The following ZCCHC14 variants were observed in gnomAD, a reference collection of about 807,000 sequenced individuals.
ZCCHC14 encodes zinc finger CCHC-type containing 14.
In ZCCHC14, 16 loss-of-function variants were observed where a neutral mutation model predicts 85.0. The observed-to-expected ratio is 0.19, with a 90% CI of 0.13 to 0.29. The LOEUF (loss-of-function observed/expected upper bound fraction) is 0.29. Ranked by LOEUF, ZCCHC14 falls within the 10% of genes least tolerant of loss-of-function variation. The pLI, the probability that ZCCHC14 is intolerant of heterozygous loss-of-function variation, is 1.00. For synonymous variants in ZCCHC14, 775 were observed against 630.7 expected (o/e 1.23, Z -3.43); for missense variants, 1,303 against 1,443.5 (o/e 0.90, Z 1.58).
Position 87,406,912 on chromosome 16 carries a change from C to T in ZCCHC14, c.*3368G>A, listed in dbSNP as rs141729607. On this transcript the variant is annotated 3_prime_UTR_variant, in exon 13 of 13. Transcript: ENST00000671377. ...CCCCGCTCAGGTCGCACAGGACTCT[C>T]CTCTGGGACAGCAGTCGAGTCAAGC... 6.6e-6 allele frequency: 1 copy of T among 152,294 alleles called. No individual in the cohort carries two copies. Among genetic ancestry groups the T allele is most frequent in the African/African-American group, 2.4e-5 (1 of 41,554 alleles). The allele number at this position is 152,294 out of a possible 1,614,324, so 9.4% of individuals were successfully genotyped here.
chr16:87,467,235 C>T lies in ZCCHC14; in HGVS notation c.571-7104G>A, dbSNP rs1411712563. ...GGAAACTCGAATGAGGACTGCAAGC[C>T]TCTCGTTTTACCGGACACTAAACCC... On this transcript the variant is annotated intron_variant, in intron 1 of 12. Coordinates refer to ENST00000671377, the MANE Select transcript of ZCCHC14 (RefSeq NM_015144.3). 4.5e-6 allele frequency: 7 copies of T among 1,558,754 alleles called. No homozygotes were observed. In the Admixed American group the frequency reaches 1.2e-4, roughly 26 times the overall value.
Position 87,412,855 on chromosome 16 carries a change from G to A in ZCCHC14, c.1866C>T (p.Ser622=). 1.9e-6 allele frequency: 3 copies of A among 1,608,372 alleles called. No individual in the cohort carries two copies. Among genetic ancestry groups the A allele is most frequent in the Non-Finnish European group, 2.5e-6 (3 of 1,176,762 alleles). Residue 622 remains serine (S), a synonymous_variant, in exon 12 of 13, where the codon TCC becomes TCT. Transcript: ENST00000671377. ...QVLPVQNEAS[S]NPSGHHPLPP... The stretch of plus-strand genomic sequence containing the variant: ...GCAGGGGGTGGTGGCCTGATGGATT[G>A]GAGCTGGCCTCATTCTGCACAGGGA...
chr16:87,424,431 C>CA (rs201791063), intron 3 of ZCCHC14, among the ~76,000 whole-genome samples: 4,811 of 152,244 alleles, frequency 0.032, 110 homozygotes, highest in Middle Eastern at 0.088. Flanking sequence ...CAGCAGTGAT[C>CA]ACTGCTGGGG....
chr16:87,428,487 A>G (rs548224854), intron 3 of ZCCHC14, among the ~76,000 whole-genome samples: 3 of 152,352 alleles, frequency 2.0e-5, no homozygotes, highest in African/African-American at 4.8e-5. Flanking sequence ...TTAAAGGACA[A>G]TTTGATTTTC....
rs1911178107 is a variant in ZCCHC14 at position 87,460,002 on chromosome 16, A to G, written c.694+6T>C. 3.1e-6 allele frequency: 5 copies of G among 1,614,060 alleles called. No homozygotes were observed. Among genetic ancestry groups the G allele is most frequent in the Non-Finnish European group, 4.2e-6 (5 of 1,179,966 alleles). On this transcript the variant is annotated splice_donor_region_variant and intron_variant, in intron 2 of 12. Transcript: ENST00000671377. The stretch of plus-strand genomic sequence containing the variant: ...ACGTCCTCCTGAAACCCGTGCGTGC[A>G]CTCACCTTTGCTGTGTTTTCCTAAG...
At chr16:87,431,994 G>A (rs1212817450) in intron 3 of ZCCHC14, among the ~76,000 whole-genome samples, 1 of 152,186 alleles carries the variant, frequency 6.6e-6, no homozygotes, top group Non-Finnish European at 1.5e-5. Context: ...AACGCACAGC[G>A]TAACAACTGC....
intron 2 of ZCCHC14, among the ~76,000 whole-genome samples, chr16:87,440,862 G>C (rs2150743906): frequency 6.6e-6 from 1 of 151,358 alleles, no homozygotes; most frequent in East Asian, 2.0e-4. Flanking sequence ...TGATCTGCCT[G>C]CCTTGGCCTC....
At chr16:87,487,911 T>C (rs1230297290) in intron 1 of ZCCHC14, among the ~76,000 whole-genome samples, 2 of 149,658 alleles carry the variant, frequency 1.3e-5, no homozygotes, top group Admixed American at 6.6e-5. Flanking sequence ...GTGGTCCCCT[T>C]ATATGCAACG....
rs1912257149 is a variant in ZCCHC14, at chr16:87,481,341, C to T, written c.570+10328G>A. On this transcript the variant is annotated intron_variant, in intron 1 of 12. Transcript: ENST00000671377. ...TTAAACAATGACATCAACTGACTTG[C>T]ATTCTAACACAGATTTCTAATCAGA... is the stretch of plus-strand genomic sequence containing the variant. 2.0e-5 allele frequency among the ~76,000 whole-genome samples: 3 copies of T among 152,160 alleles called. No individual in the cohort carries two copies. The South Asian group carries it at 6.2e-4, about 32-fold the overall frequency.
Position 87,423,326 on chromosome 16 carries a change from A to G in ZCCHC14, c.840+484T>C, listed in dbSNP as rs150586145. On this transcript the variant is annotated intron_variant, in intron 4 of 12. Transcript: ENST00000671377. ...GCACCAGGAGGTCAAGGCTGCAGTG[A>G]GCTGTGATGATGGTACCACCACAAC... 1.7e-3 allele frequency among the ~76,000 whole-genome samples: 259 copies of G among 152,320 alleles called. 1 individual carries two copies. The highest frequency in any genetic ancestry group is 5.9e-3 in the African/African-American group (244 of 41,578).
chr16:87,454,628 C>T (rs568541522), intron 2 of ZCCHC14, among the ~76,000 whole-genome samples: 2 of 152,350 alleles, frequency 1.3e-5, no homozygotes, highest in East Asian at 3.9e-4. Flanking sequence ...GGAAGTTCTT[C>T]AGGCTGACGG....
chr16:87,410,825 G>A (rs561206774), intron 12 of ZCCHC14, among the ~76,000 whole-genome samples: 1 of 152,222 alleles, frequency 6.6e-6, no homozygotes, highest in Non-Finnish European at 1.5e-5. Context: ...GATGTTACAG[G>A]CAGGTCTGAG....
chr16:87,469,860 C>G (rs910549417), intron 1 of ZCCHC14, among the ~76,000 whole-genome samples: 10 of 152,132 alleles, frequency 6.6e-5, no homozygotes, highest in Non-Finnish European at 1.3e-4. Context: ...CCCACAGCCA[C>G]CCCAGCTCCG....
At chr16:87,431,536 T>C (rs1156633793) in intron 3 of ZCCHC14, among the ~76,000 whole-genome samples, 1 of 151,542 alleles carries the variant, frequency 6.6e-6, no homozygotes, top group Non-Finnish European at 1.5e-5. Flanking sequence ...CCGGTCAGGT[T>C]GTATGAAGTT....
At chr16:87,489,345 G>T (rs914897929) in intron 1 of ZCCHC14, among the ~76,000 whole-genome samples, 18 of 152,274 alleles carry the variant, frequency 1.2e-4, no homozygotes, top group African/African-American at 4.3e-4. Flanking sequence ...CAAAAAAATT[G>T]TCAGCTCCAA....
chr16:87,426,008 C>T (rs955659115), intron 3 of ZCCHC14, among the ~76,000 whole-genome samples: 1 of 152,204 alleles, frequency 6.6e-6, no homozygotes, highest in African/African-American at 2.4e-5. Flanking sequence ...ACTTTGTGTT[C>T]GGATACATTT....
chr16:87,486,501 A>G (rs765664524), intron 1 of ZCCHC14, among the ~76,000 whole-genome samples: 1 of 152,068 alleles, frequency 6.6e-6, no homozygotes, highest in Non-Finnish European at 1.5e-5. Context: ...GTGCAAGTGC[A>G]CTCTGCGGTG....
chr16:87,452,831 G>A (rs1441544123), intron 2 of ZCCHC14, among the ~76,000 whole-genome samples: 1 of 152,208 alleles, frequency 6.6e-6, no homozygotes, highest in Non-Finnish European at 1.5e-5. Flanking sequence ...CTGAGGCTGG[G>A]GTGAGTGGTG....
At position 87,492,900 on chromosome 16, in the gene ZCCHC14, G is replaced by T. The variant is rs897056029; in HGVS notation, c.-662C>A. 2.7e-5 allele frequency among the ~76,000 whole-genome samples: 4 copies of T among 148,670 alleles called. No homozygotes were observed. Among genetic ancestry groups the T allele is most frequent in the African/African-American group, 7.3e-5 (3 of 40,862 alleles). ...GCTCCCGCGCGGCGGACGGATCCGGGCCCGAGCGCGGCGGCGGCGGCGACG... is the reference window on the plus strand; with the variant it reads ...GCTCCCGCGCGGCGGACGGATCCGGTCCCGAGCGCGGCGGCGGCGGCGACG... On this transcript the variant is annotated 5_prime_UTR_variant, in exon 1 of 13. Coordinates refer to ENST00000671377, the MANE Select transcript of ZCCHC14 (RefSeq NM_015144.3). The surrounding 1 kb of genome is among the most constrained non-coding windows in gnomAD (Gnocchi z 6.7).
Sources: allele counts gnomAD v4.1 joint callset (sites outside exome capture counted in the v4.1 genomes callset), GRCh38; gene constraint gnomAD v4.1.1; non-coding constraint Gnocchi (gnomAD v3.1); transcripts MANE v1.5; gene names NCBI Gene and HGNC (gene_info 2026-07-23, HGNC 2026-07-21).